Variants in CNTN5 observed in about 807,000 individuals in gnomAD.
CNTN5 encodes contactin 5.
A neutral mutation model predicts 129.1 loss-of-function variants in CNTN5; 77 were observed. That is an observed-to-expected ratio of 0.60 (90% confidence interval 0.50 to 0.72). CNTN5 has a LOEUF of 0.72. CNTN5 is among the 30% of genes least tolerant of loss of function. The pLI, the probability that CNTN5 is intolerant of heterozygous loss-of-function variation, is 0.00. For missense variants in CNTN5, 1,478 were observed against 1,328.8 expected (o/e 1.11, Z -1.75); for synonymous variants, 509 against 465.6 (o/e 1.09, Z -1.20).
intron 7 of CNTN5, among the ~76,000 whole-genome samples, chr11:99,950,415 A>G (rs1591469364): frequency 6.6e-6 from 1 of 152,214 alleles, no homozygotes; most frequent in African/African-American, 2.4e-5. Context: ...TGGTAGGCGG[A>G]GCTTGCAATG....
chr11:99,672,072 T>C (rs1332381870), intron 3 of CNTN5, among the ~76,000 whole-genome samples: 1 of 152,182 alleles, frequency 6.6e-6, no homozygotes. Context: ...GTGTAATTTC[T>C]TGTCACTTTT....
intron 18 of CNTN5, among the ~76,000 whole-genome samples, chr11:100,277,951 G>A (rs1380667639): frequency 6.6e-6 from 1 of 152,068 alleles, no homozygotes; most frequent in African/African-American, 2.4e-5. Flanking sequence ...TGAGGTCTTA[G>A]ATTTGAATCT....
At chr11:99,340,928 T>C (rs578224672) in intron 2 of CNTN5, among the ~76,000 whole-genome samples, 40 of 152,278 alleles carry the variant, frequency 2.6e-4, no homozygotes, top group African/African-American at 9.4e-4. Flanking sequence ...TGGGTAAACT[T>C]TTCTGCTTGA....
chr11:100,265,965 T>C (rs897855486), intron 17 of CNTN5, among the ~76,000 whole-genome samples: 1 of 152,196 alleles, frequency 6.6e-6, no homozygotes, highest in South Asian at 2.1e-4. Context: ...ATAGAATTCA[T>C]TGGTCTTTGT....
intron 1 of CNTN5, among the ~76,000 whole-genome samples, chr11:99,126,064 G>A (rs1858612489): frequency 1.3e-5 from 2 of 152,230 alleles, no homozygotes; most frequent in South Asian, 2.1e-4. Flanking sequence ...ACTGATAATA[G>A]TAATTTAACC....
intron 9 of CNTN5, among the ~76,000 whole-genome samples, chr11:100,030,410 G>C (rs1329263383): frequency 1.3e-5 from 2 of 152,270 alleles, no homozygotes; most frequent in African/African-American, 4.8e-5. Flanking sequence ...GTAGTAGACA[G>C]CAGAAGTCTC....
At chr11:99,636,037 C>T (rs553105484) in intron 3 of CNTN5, among the ~76,000 whole-genome samples, 108 of 151,918 alleles carry the variant, frequency 7.1e-4, no homozygotes, top group African/African-American at 2.5e-3. Flanking sequence ...CTTGAATATG[C>T]TTCATTCTTA....
Position 99,123,208 on chromosome 11 carries a change from GT to G in CNTN5, c.-210+101948del, listed in dbSNP as rs370959291. On this transcript the variant is annotated intron_variant, in intron 1 of 24. Transcript: ENST00000524871. Reference sequence around the variant, plus strand: ...TTTTTCTCTGCAACCTCATTAGCATGTTTTTTTTTTCACTTTTTAATAACGG... The same window carrying G: ...TTTTTCTCTGCAACCTCATTAGCATGTTTTTTTTTCACTTTTTAATAACGG... Among the ~76,000 whole-genome samples, 1,326 of 147,242 alleles carry G rather than the reference GT, an allele frequency of 9.0e-3. 22 individuals carry two copies. Among genetic ancestry groups the G allele is most frequent in the African/African-American group, 0.03 (1,193 of 40,284 alleles).
chr11:99,395,810 C>T (rs1042085158), intron 2 of CNTN5, among the ~76,000 whole-genome samples: 1 of 151,946 alleles, frequency 6.6e-6, no homozygotes, highest in Admixed American at 6.6e-5. Flanking sequence ...GTCTTTTCCC[C>T]ATTGCTTGTT....
intron 2 of CNTN5, among the ~76,000 whole-genome samples, chr11:99,435,625 T>G (rs999130353): frequency 2.6e-5 from 4 of 152,226 alleles, no homozygotes; most frequent in African/African-American, 9.6e-5. Context: ...CATTACTTAC[T>G]CTGCCAAAGA....
chr11:99,402,826 T>G (rs774630053), intron 2 of CNTN5, among the ~76,000 whole-genome samples: 10 of 152,172 alleles, frequency 6.6e-5, no homozygotes, highest in Non-Finnish European at 1.2e-4. Flanking sequence ...AATTTGTCCA[T>G]TTCTTCTAGA....
intron 3 of CNTN5, among the ~76,000 whole-genome samples, chr11:99,733,677 A>G (rs1014341188): frequency 1.8e-4 from 28 of 152,196 alleles, no homozygotes; most frequent in Admixed American, 1.8e-3. Flanking sequence ...GTGAGAATCA[A>G]ATCAGCCTGC....
intron 3 of CNTN5, among the ~76,000 whole-genome samples, chr11:99,722,395 CCACTTGTTCT>C (rs1375591520): frequency 6.6e-6 from 1 of 152,046 alleles, no homozygotes; most frequent in Non-Finnish European, 1.5e-5. Flanking sequence ...AAACCAAATA[CCACTTGTTCT>C]CACTTGTGAG....
At chr11:99,880,585 G>A (rs1452433423) in intron 6 of CNTN5, among the ~76,000 whole-genome samples, 1 of 152,100 alleles carries the variant, frequency 6.6e-6, no homozygotes, top group Non-Finnish European at 1.5e-5. Flanking sequence ...AATGTTTGAT[G>A]TGCTTGCTCA....
intron 13 of CNTN5, among the ~76,000 whole-genome samples, chr11:100,188,519 C>A (rs763042870): frequency 1.9e-4 from 29 of 152,026 alleles, no homozygotes; most frequent in Admixed American, 1.8e-3. Flanking sequence ...CAGAGAAATG[C>A]AAATCAAAGC....
chr11:100,081,022 A>G (rs1314125789), intron 13 of CNTN5, among the ~76,000 whole-genome samples: 1 of 152,160 alleles, frequency 6.6e-6, no homozygotes, highest in East Asian at 1.9e-4. Context: ...TAAGGGGATG[A>G]GAAGGAAATG....
chr11:100,279,365 A>G (rs1950582040), intron 18 of CNTN5, among the ~76,000 whole-genome samples: 1 of 151,762 alleles, frequency 6.6e-6, no homozygotes, highest in Non-Finnish European at 1.5e-5. Context: ...TATTTTTTGA[A>G]ATAGTTTGAG....
intron 15 of CNTN5, among the ~76,000 whole-genome samples, chr11:100,204,310 AT>A (rs1948864126): frequency 2.6e-5 from 2 of 75,748 alleles, no homozygotes; most frequent in African/African-American, 1.3e-4. Context: ...ATATATATAT[AT>A]ATATATATAT....
chr11:99,979,769 G>T (rs900162757), intron 8 of CNTN5, among the ~76,000 whole-genome samples: 10 of 152,122 alleles, frequency 6.6e-5, no homozygotes, highest in African/African-American at 2.2e-4. Flanking sequence ...GTAGAAAAAT[G>T]TCTTTGGATC....
Sources: gnomAD v4.1 joint callset for allele counts (sites outside exome capture counted in the v4.1 genomes callset) on GRCh38, gnomAD v4.1.1 for gene constraint, MANE v1.5 for transcripts, NCBI Gene and HGNC (gene_info 2026-07-23, HGNC 2026-07-21) for gene names.